Variants in CD24 observed in about 807,000 individuals in gnomAD.
CD24 encodes the protein signal transducer CD24.
CD24 carries 2 observed loss-of-function variants against 3.6 expected under a neutral mutation model. That is an observed-to-expected ratio of 0.56 (90% CI 0.23 to 1.77). CD24 has a LOEUF of 1.77. Among genes scored for constraint, CD24 ranks in the 40% most tolerant of loss-of-function variants. The pLI is 0.18. For synonymous variants in CD24, 33 were observed against 44.9 expected (o/e 0.74, Z 1.06); for missense variants, 62 against 93.6 (o/e 0.66, Z 1.39).
At chr6:106,974,543 C>T (rs1354582323) in intron 1 of CD24, 35 bp downstream of exon 1, 2 of 1,315,042 alleles carry the variant, frequency 1.5e-6, no homozygotes, top group Non-Finnish European at 2.0e-6. Flanking sequence ...ACCCCGGGAA[C>T]GGCCCTCGAG....
upstream of CD24, among the ~76,000 whole-genome samples, chr6:106,976,340 C>T (rs1411247959): frequency 6.6e-6 from 1 of 152,152 alleles, no homozygotes; most frequent in Non-Finnish European, 1.5e-5. Context: ...GTGGCAGTCT[C>T]ATTAAAACAA....
intron 1 of CD24, among the ~76,000 whole-genome samples, chr6:106,972,350 T>C (rs1033732970): frequency 5.3e-4 from 80 of 152,376 alleles, no homozygotes; most frequent in Middle Eastern, 3.4e-3. Context: ...ACTTAGCCTT[T>C]TCCTTAAGGG....
chr6:106,973,652 T>C, intron 1 of CD24: 1 of 398,666 alleles, frequency 2.5e-6, no homozygotes, highest in Non-Finnish European at 4.4e-6. Context: ...AAACCCGAAC[T>C]GACCCAAACA....
At position 106,971,594 on chromosome 6, in the gene CD24, C is replaced by T; in HGVS notation, c.*67G>A. ...TGTTTTTCCTTGCCACATTGGACTTCCAGACGCCATTTGGATTGGGTTTAG... is the reference window on the plus strand; with the variant it reads ...TGTTTTTCCTTGCCACATTGGACTTTCAGACGCCATTTGGATTGGGTTTAG... On this transcript the variant is annotated 3_prime_UTR_variant, in exon 2 of 2. Coordinates refer to ENST00000606017, the MANE Select transcript of CD24 (RefSeq NM_001359084.1). 2 of 1,381,662 alleles carry T rather than the reference C, an allele frequency of 1.4e-6. No homozygotes were observed. The highest frequency in any genetic ancestry group is 2.0e-6 in the Non-Finnish European group (2 of 1,011,478). The allele number at this position is 1,381,662 out of a possible 1,614,324, so 85.6% of individuals were successfully genotyped here.
chr6:106,971,845 TAAA>T lies in CD24; in HGVS notation c.70-14_70-12del. On this transcript the variant is annotated splice_polypyrimidine_tract_variant and intron_variant, in intron 1 of 1. Coordinates refer to ENST00000606017, the MANE Select transcript of CD24 (RefSeq NM_001359084.1). ...TTCACTGGAATAAATCTAAAATACA[TAAA>T]AAGTTACATGGATACATTTCCACAT... is the stretch of plus-strand genomic sequence containing the variant. 1 of 1,517,544 alleles carries T rather than the reference TAAA, an allele frequency of 6.6e-7. No individual in the cohort carries two copies. Among genetic ancestry groups the T allele is most frequent in the South Asian group, 1.2e-5 (1 of 83,066 alleles). The allele number at this position is 1,517,544 out of a possible 1,614,324, so 94.0% of individuals were successfully genotyped here.
chr6:106,972,686 T>C (rs1256987113), intron 1 of CD24, among the ~76,000 whole-genome samples: 4 of 152,152 alleles, frequency 2.6e-5, no homozygotes, highest in Admixed American at 2.0e-4. Context: ...GGGCACGTGA[T>C]AATCTCTCCT....
intron 1 of CD24, among the ~76,000 whole-genome samples, chr6:106,972,971 T>C (rs2114899306): frequency 6.6e-6 from 1 of 152,332 alleles, no homozygotes; most frequent in East Asian, 1.9e-4. Context: ...AAAAAAATCT[T>C]GATCAAGTCA....
At chr6:106,974,013 G>A (rs1376187492) in intron 1 of CD24, 6 of 397,690 alleles carry the variant, frequency 1.5e-5, no homozygotes, top group Non-Finnish European at 2.2e-5. Context: ...CTCGGCTTCA[G>A]CCCGGAACCG....
chr6:106,973,572 G>A, intron 1 of CD24: 1 of 398,216 alleles, frequency 2.5e-6, no homozygotes, highest in Non-Finnish European at 4.4e-6. Context: ...AACTTTGGGG[G>A]AGAAGCCCCA....
chr6:106,975,469 G>A (rs1773091636), upstream of CD24: 2 of 151,776 alleles, frequency 1.3e-5, no homozygotes, highest in Non-Finnish European at 2.9e-5. Context: ...TGCGCGCTCG[G>A]CCCCGCGGCC....
chr6:106,974,469 G>A, intron 1 of CD24, 109 bp downstream of exon 1: 1 of 613,292 alleles, frequency 1.6e-6, no homozygotes, highest in Non-Finnish European at 2.6e-6. Flanking sequence ...CCCGGTCCCT[G>A]TCCGTGGCCC....
chr6:106,974,489 G>C, intron 1 of CD24, 89 bp downstream of exon 1: 1 of 729,550 alleles, frequency 1.4e-6, no homozygotes, highest in East Asian at 3.4e-5. Context: ...CGAGGCAGGA[G>C]CGCAGGACGG....
At chr6:106,974,798 C>G, upstream of CD24, 1 of 690,038 alleles carries the variant, frequency 1.4e-6, no homozygotes, top group Non-Finnish European at 2.2e-6. Context: ...GTGGCGCCGC[C>G]CGCCCACCCC....
In CD24 at chr6:106,970,351, TGTG is replaced by T. The variant is rs1252804365; in HGVS notation, c.*1307_*1309del. ...TATATACAGAAAGAGTATAAAAGTT[TGTG>T]AATTTAATGCAAATTAGCTTCCAGT... On this transcript the variant is annotated 3_prime_UTR_variant, in exon 2 of 2. Coordinates refer to ENST00000606017, the MANE Select transcript of CD24 (RefSeq NM_001359084.1). The T allele has an allele frequency of 3.3e-5, 5 of 152,376 alleles. No homozygotes were observed. Among genetic ancestry groups the T allele is most frequent in the African/African-American group, 1.2e-4 (5 of 41,320 alleles). The allele number at this position is 152,376 out of a possible 1,614,324, so 9.4% of individuals were successfully genotyped here.
chr6:106,973,588 A>T (rs1443259985), intron 1 of CD24: 8 of 398,272 alleles, frequency 2.0e-5, no homozygotes, highest in Non-Finnish European at 3.5e-5. Flanking sequence ...CCCCAGTGAC[A>T]GTCCTCGATT....
chr6:106,974,978 C>T (rs1582559100), upstream of CD24, among the ~76,000 whole-genome samples: 1 of 149,902 alleles, frequency 6.7e-6, no homozygotes, highest in East Asian at 2.0e-4. Flanking sequence ...CTGCTGGTAC[C>T]CGGCTGGTAT....
rs1391772411 is a variant in CD24 at position 106,971,697 on chromosome 6, G to A, written c.207C>T (p.Phe69=). 9.1e-6 allele frequency: 14 copies of A among 1,546,728 alleles called. No individual in the cohort carries two copies. Among genetic ancestry groups the A allele is most frequent in the African/African-American group, 2.7e-5 (2 of 73,036 alleles). Residue 69 remains phenylalanine (F), a synonymous_variant, in exon 2 of 2, where the codon TTC becomes TTT. Transcript: ENST00000606017. The part of the protein sequence containing the change: ...GGALQSTASL[F]VVSLSLLHLY... Reference sequence around the variant, plus strand: ...GATGCAGAAGAGAGAGTGAGACCACGAAGAGACTGGCTGTTGACTGCAGGG... The same window carrying A: ...GATGCAGAAGAGAGAGTGAGACCACAAAGAGACTGGCTGTTGACTGCAGGG...
upstream of CD24, among the ~76,000 whole-genome samples, chr6:106,976,098 G>C (rs1215939629): frequency 5.9e-5 from 9 of 152,180 alleles, no homozygotes; most frequent in African/African-American, 1.9e-4. Flanking sequence ...TTTATTGAAG[G>C]TTTAGCCCAA....
chr6:106,975,046 C>T (rs1160050314), upstream of CD24: 1 of 151,810 alleles, frequency 6.6e-6, no homozygotes, highest in Non-Finnish European at 1.5e-5. Flanking sequence ...GCCTCCGGCA[C>T]AGGACCCGGG....
Sources: gnomAD v4.1 joint callset for allele counts (sites outside exome capture counted in the v4.1 genomes callset) on GRCh38, gnomAD v4.1.1 for gene constraint, MANE v1.5 for transcripts, NCBI Gene and HGNC (gene_info 2026-07-23, HGNC 2026-07-21) for gene names.